CNTN1: variants seen among roughly 807,000 people sequenced by gnomAD.
CNTN1 encodes the protein contactin 1, also known as contactin-1.
A neutral mutation model predicts 126.4 loss-of-function variants in CNTN1; 38 were observed. The observed-to-expected ratio is 0.30, with a 90% CI of 0.23 to 0.39. CNTN1 has a LOEUF of 0.39. CNTN1 is among the 10% of genes least tolerant of loss of function. The pLI is 1.00. For synonymous variants in CNTN1, 413 were observed against 422.6 expected (o/e 0.98, Z 0.28); for missense variants, 1,009 against 1,248.4 (o/e 0.81, Z 2.89).
chr12:40,798,457 G>T (rs1024323512), intron 1 of CNTN1, among the ~76,000 whole-genome samples: 1 of 151,864 alleles, frequency 6.6e-6, no homozygotes, highest in Non-Finnish European at 1.5e-5. Context: ...CACAAATAAT[G>T]CAAAGGAAGT....
chr12:40,823,963 T>C (rs994551001), intron 1 of CNTN1, among the ~76,000 whole-genome samples: 8 of 152,144 alleles, frequency 5.3e-5, no homozygotes, highest in Admixed American at 2.0e-4. Context: ...TACATTTGCC[T>C]TGTTTAGTGC....
intron 1 of CNTN1, among the ~76,000 whole-genome samples, chr12:40,838,875 G>T (rs1942174176): frequency 6.6e-6 from 1 of 152,138 alleles, no homozygotes; most frequent in Non-Finnish European, 1.5e-5. Flanking sequence ...ACAAGGAAAT[G>T]TGACACCGCC....
At position 40,844,069 on chromosome 12, in the gene CNTN1, AT is replaced by A. The variant is rs397957366; in HGVS notation, c.-76-64272del. ...ATTGAAAAAATTCTTTGGCACAATG[AT>A]TTTTTTTTTTTTTTTGAGACGGAGT... is the stretch of plus-strand genomic sequence containing the variant. On this transcript the variant is annotated intron_variant, in intron 1 of 23. Transcript: ENST00000551295. Among the ~76,000 whole-genome samples, 66 of 84,636 alleles carry A rather than the reference AT, an allele frequency of 7.8e-4. 4 individuals carry two copies. The highest frequency in any genetic ancestry group is 1.4e-3 in the Admixed American group (8 of 5,806). 55.5% of individuals were successfully genotyped at this position (84,636 alleles called of 152,430 possible). A position where few individuals can be genotyped will look rare whatever the true frequency, so the allele number is the denominator to read the frequency against.
At chr12:40,917,664 C>T (rs11179042) in intron 3 of CNTN1, among the ~76,000 whole-genome samples, 77,672 of 151,856 alleles carry the variant, frequency 0.51, 20,366 homozygotes, top group African/African-American at 0.65. Context: ...TAAGAATATT[C>T]GTTCTTTCTA....
At chr12:40,792,628 T>C (rs1384596122) in intron 1 of CNTN1, among the ~76,000 whole-genome samples, 1 of 152,120 alleles carries the variant, frequency 6.6e-6, no homozygotes, top group Non-Finnish European at 1.5e-5. Context: ...TTCTTGATTT[T>C]CAAAGACTAC....
intron 1 of CNTN1, among the ~76,000 whole-genome samples, chr12:40,899,577 G>A (rs1422143787): frequency 6.6e-6 from 1 of 152,062 alleles, no homozygotes; most frequent in Non-Finnish European, 1.5e-5. Context: ...AGATGTGTTG[G>A]CTGAACGTGT....
intron 17 of CNTN1, among the ~76,000 whole-genome samples, chr12:40,993,804 C>T (rs1823345511): frequency 6.6e-6 from 1 of 152,068 alleles, no homozygotes; most frequent in South Asian, 2.1e-4. Flanking sequence ...TTTTTCCTAA[C>T]ATTTAAGGAT....
At chr12:41,045,596 G>A (rs1374331482) in intron 23 of CNTN1, among the ~76,000 whole-genome samples, 1 of 152,034 alleles carries the variant, frequency 6.6e-6, no homozygotes, top group African/African-American at 2.4e-5. Flanking sequence ...TATTAAAATG[G>A]TCCATTCGAT....
chr12:40,742,156 A>G (rs1455924393), intron 1 of CNTN1, among the ~76,000 whole-genome samples: 1 of 152,108 alleles, frequency 6.6e-6, no homozygotes, highest in Non-Finnish European at 1.5e-5. Flanking sequence ...CGTGTAACCT[A>G]GCCACAACTG....
At chr12:40,700,529 A>AC (rs1941568290) in intron 1 of CNTN1, among the ~76,000 whole-genome samples, 2 of 151,696 alleles carry the variant, frequency 1.3e-5, no homozygotes, top group African/African-American at 4.9e-5. Context: ...CTGTCTCAAA[A>AC]TAAAAAAAAA....
At chr12:40,736,265 T>C (rs1036325386) in intron 1 of CNTN1, among the ~76,000 whole-genome samples, 2 of 151,978 alleles carry the variant, frequency 1.3e-5, no homozygotes, top group African/African-American at 4.8e-5. Context: ...ACAAGTAAAA[T>C]GGACAGAAAT....
intron 1 of CNTN1, among the ~76,000 whole-genome samples, chr12:40,794,217 G>A (rs73112672): frequency 6.6e-6 from 1 of 152,050 alleles, no homozygotes; most frequent in Non-Finnish European, 1.5e-5. Flanking sequence ...CATTATTTTT[G>A]TATTGCTGAA....
At chr12:40,842,824 A>C (rs1942337953) in intron 1 of CNTN1, among the ~76,000 whole-genome samples, 1 of 152,172 alleles carries the variant, frequency 6.6e-6, no homozygotes, top group Non-Finnish European at 1.5e-5. Flanking sequence ...CCATCCAATT[A>C]ATAGACTTTT....
chr12:40,776,382 CT>C (rs994412784), intron 1 of CNTN1, among the ~76,000 whole-genome samples: 16 of 151,398 alleles, frequency 1.1e-4, no homozygotes, highest in Admixed American at 3.3e-4. Flanking sequence ...AATAAAGTTA[CT>C]TTTTTTTCTT....
intron 1 of CNTN1, among the ~76,000 whole-genome samples, chr12:40,703,044 T>C (rs2121120229): frequency 6.6e-6 from 1 of 152,286 alleles, no homozygotes; most frequent in Admixed American, 6.5e-5. Flanking sequence ...AGATTATTGA[T>C]ATTTCCAAGT....
intron 1 of CNTN1, among the ~76,000 whole-genome samples, chr12:40,871,443 C>A (rs1943491095): frequency 1.3e-5 from 2 of 151,918 alleles, no homozygotes; most frequent in Admixed American, 1.3e-4. Flanking sequence ...AGTTGGGAGG[C>A]CTGGACTACA....
chr12:40,969,135 T>A (rs1015879658), intron 15 of CNTN1, among the ~76,000 whole-genome samples: 2 of 152,152 alleles, frequency 1.3e-5, no homozygotes, highest in Non-Finnish European at 2.9e-5. Flanking sequence ...CGAGCAGTTT[T>A]ATTACCTATG....
At chr12:40,985,064 G>A (rs895703599) in intron 16 of CNTN1, among the ~76,000 whole-genome samples, 2 of 151,618 alleles carry the variant, frequency 1.3e-5, no homozygotes, top group African/African-American at 4.8e-5. Flanking sequence ...ATTTTTTTTT[G>A]TAAGATAAGT....
At chr12:40,854,867 G>A (rs114179045) in intron 1 of CNTN1, among the ~76,000 whole-genome samples, 3,147 of 152,170 alleles carry the variant, frequency 0.021, 117 homozygotes, top group African/African-American at 0.073. Flanking sequence ...CAAGAAAGAA[G>A]AGGAATTTGA....
Sources: gnomAD v4.1 joint callset for allele counts (sites outside exome capture counted in the v4.1 genomes callset) on GRCh38, gnomAD v4.1.1 for gene constraint, MANE v1.5 for transcripts, NCBI Gene and HGNC (gene_info 2026-07-23, HGNC 2026-07-21) for gene names.